The following EHBP1 variants were observed in gnomAD, a reference collection of about 807,000 sequenced individuals.
EHBP1 encodes the protein EH domain binding protein 1.
EHBP1 carries 55 observed loss-of-function variants against 144.0 expected under a neutral mutation model. That is an observed-to-expected ratio of 0.38 (90% CI 0.31 to 0.48). The LOEUF is 0.48. Ranked by LOEUF, EHBP1 falls within the 20% of genes least tolerant of loss-of-function variation. The pLI, the probability that EHBP1 is intolerant of heterozygous loss-of-function variation, is 0.98. For missense variants in EHBP1, 1,200 were observed against 1,364.2 expected, an observed-to-expected ratio of 0.88 and a Z score of 1.90; for synonymous variants, 469 against 472.7, an observed-to-expected ratio of 0.99 and a Z score of 0.10.
chr2:62,760,113 G>A (rs1012067308), intron 3 of EHBP1, among the ~76,000 whole-genome samples: 1 of 152,042 alleles, frequency 6.6e-6, no homozygotes, highest in South Asian at 2.1e-4. Context: ...TGCAGGTTTT[G>A]CATCTTGTGC....
At chr2:62,990,676 C>G in intron 15 of EHBP1, 40 bp from the exon 16 acceptor site, 1 of 1,602,922 alleles carries the variant, frequency 6.2e-7, no homozygotes, top group East Asian at 2.2e-5. Context: ...TATCTAAATG[C>G]ATCTCACTCA....
At chr2:62,685,965 C>A (rs984899936) in intron 1 of EHBP1, among the ~76,000 whole-genome samples, 2 of 152,144 alleles carry the variant, frequency 1.3e-5, no homozygotes, top group Non-Finnish European at 2.9e-5. Context: ...GATTCTTTAA[C>A]TTTCCAATGG....
intron 5 of EHBP1, among the ~76,000 whole-genome samples, chr2:62,804,271 AT>A (rs2044275461): frequency 6.6e-6 from 1 of 152,190 alleles, no homozygotes; most frequent in African/African-American, 2.4e-5. Context: ...TTTGAACTTG[AT>A]TGTGGAAGCA....
At chr2:62,997,989 G>A (rs1371648633) in intron 19 of EHBP1, among the ~76,000 whole-genome samples, 2 of 152,020 alleles carry the variant, frequency 1.3e-5, no homozygotes, top group Non-Finnish European at 2.9e-5. Flanking sequence ...GGCTTTTGGG[G>A]ACAGTTTATT....
rs1244217657 is a variant in EHBP1 at position 62,831,139 on chromosome 2, A to C, written c.615A>C (p.Glu205Asp). ...ATGAGAACAGAGTGAACCAAGAAGA[A>C]AAGGCAGCTAAAATTACAGGTTGGT... The part of the protein sequence containing the change: ...DDDENRVNQE[E>D]KAAKITELIN... The change falls in exon 7 of 23, where the codon GAA becomes GAC. Residue 205 changes from glutamate (E) to aspartate (D), a missense_variant. Glu to Asp is a conservative substitution (Grantham distance 45). Coordinates refer to ENST00000431489, the MANE Select transcript of EHBP1 (RefSeq NM_001142616.3). 2 of 1,597,460 alleles carry C rather than the reference A, an allele frequency of 1.3e-6. No individual in the cohort carries two copies. The highest frequency in any genetic ancestry group is 1.8e-5 in the Admixed American group (1 of 55,552).
At chr2:62,690,895 C>A (rs1375908804) in intron 1 of EHBP1, among the ~76,000 whole-genome samples, 1 of 152,170 alleles carries the variant, frequency 6.6e-6, no homozygotes, top group Admixed American at 6.5e-5. Flanking sequence ...CTGATCTTAG[C>A]TGATATGAAA....
intron 7 of EHBP1, among the ~76,000 whole-genome samples, chr2:62,838,445 G>A (rs1272475699): frequency 6.6e-6 from 1 of 151,764 alleles, no homozygotes; most frequent in East Asian, 1.9e-4. Flanking sequence ...AAAAGCAAGA[G>A]CAAACACATT....
At chr2:62,949,595 AAATC>A (rs1205865977) in intron 13 of EHBP1, among the ~76,000 whole-genome samples, 2 of 152,216 alleles carry the variant, frequency 1.3e-5, no homozygotes, top group Non-Finnish European at 2.9e-5. Flanking sequence ...ACTATAAAAT[AAATC>A]AAAGATGTTT....
intron 15 of EHBP1, among the ~76,000 whole-genome samples, chr2:62,989,404 G>A (rs752103960): frequency 1.3e-5 from 2 of 152,080 alleles, no homozygotes; most frequent in Non-Finnish European, 2.9e-5. Flanking sequence ...TGATTCTACA[G>A]TAGGTTAGTA....
intron 1 of EHBP1, among the ~76,000 whole-genome samples, chr2:62,698,282 T>C (rs147068326): frequency 1.3e-5 from 2 of 152,346 alleles, no homozygotes; most frequent in Admixed American, 6.5e-5. Flanking sequence ...TGAAGAAACA[T>C]GCACAAGTAT....
intron 1 of EHBP1, among the ~76,000 whole-genome samples, chr2:62,697,089 T>C (rs933181459): frequency 1.3e-5 from 2 of 152,234 alleles, no homozygotes; most frequent in African/African-American, 4.8e-5. Context: ...CAAGGGAATA[T>C]GTTAATCAGA....
chr2:62,784,774 A>T (rs895857133), intron 5 of EHBP1, among the ~76,000 whole-genome samples: 1 of 152,182 alleles, frequency 6.6e-6, no homozygotes, highest in Non-Finnish European at 1.5e-5. Context: ...GCCCTTACTC[A>T]TCTTGGGTAA....
At chr2:62,888,917 T>G (rs1248072859) in intron 10 of EHBP1, among the ~76,000 whole-genome samples, 1 of 152,070 alleles carries the variant, frequency 6.6e-6, no homozygotes, top group Non-Finnish European at 1.5e-5. Context: ...GAGTTAGGAC[T>G]GTGGTGAGGC....
intron 10 of EHBP1, among the ~76,000 whole-genome samples, chr2:62,887,535 C>G (rs2052034470): frequency 7.3e-6 from 1 of 137,338 alleles, no homozygotes; most frequent in African/African-American, 2.8e-5. Flanking sequence ...CCCAGGAGTT[C>G]AAGACCAGCC....
At chr2:62,676,048 A>G (rs1330732996) in intron 1 of EHBP1, among the ~76,000 whole-genome samples, 2 of 152,158 alleles carry the variant, frequency 1.3e-5, no homozygotes, top group African/African-American at 4.8e-5. Flanking sequence ...GAGCCACTGC[A>G]CCCGACCTCG....
At chr2:62,700,996 C>A (rs770556643), upstream of EHBP1, among the ~76,000 whole-genome samples, 1 of 152,190 alleles carries the variant, frequency 6.6e-6, no homozygotes, top group Non-Finnish European at 1.5e-5. Flanking sequence ...ATTTCAGCTG[C>A]CCTTCTCCCA....
At position 62,679,451 on chromosome 2, in the gene EHBP1, A is replaced by T. The variant is rs577005270; in HGVS notation, c.-296+5368A>T. On this transcript the variant is annotated intron_variant, in intron 1 of 22. Coordinates refer to the EHBP1 transcript ENST00000405015. The stretch of plus-strand genomic sequence containing the variant: ...ATTTTAGCACTTTTTTGTTCCTGTA[A>T]TAGTCAGTTTAGCATTTATATTTTC... 2.0e-4 allele frequency among the ~76,000 whole-genome samples: 30 copies of T among 152,252 alleles called. No homozygotes were observed. In the South Asian group the frequency reaches 6.0e-3, roughly 30 times the overall value.
At chr2:62,896,450 G>A (rs1161264547) in intron 10 of EHBP1, among the ~76,000 whole-genome samples, 5 of 152,090 alleles carry the variant, frequency 3.3e-5, no homozygotes, top group African/African-American at 1.2e-4. Context: ...TGTATTTGTT[G>A]AGGGAAAGGC....
Position 62,993,649 on chromosome 2 carries a change from A to G in EHBP1, c.2853A>G (p.Gln951=). Residue 951 remains glutamine (Q), a synonymous_variant, in exon 17 of 23, where the codon CAA becomes CAG. Transcript: ENST00000431489. ...VRKTQLQSFS[Q]YIENRPEMKR... is the part of the protein sequence containing the mutation. The stretch of plus-strand genomic sequence containing the variant: ...AAACTCAACTTCAGTCTTTCAGCCA[A>G]TATATTGAGAATAGACCAGGTAGAA... The G allele has an allele frequency of 3.1e-6, 5 of 1,606,504 alleles. No homozygotes were observed. Among genetic ancestry groups the G allele is most frequent in the South Asian group, 1.1e-5 (1 of 90,208 alleles).
Sources: allele counts gnomAD v4.1 joint callset (sites outside exome capture counted in the v4.1 genomes callset), GRCh38; gene constraint gnomAD v4.1.1; transcripts MANE v1.5; gene names NCBI Gene and HGNC (gene_info 2026-07-23, HGNC 2026-07-21).